The following ABCA3 variants were observed in gnomAD, a reference collection of about 807,000 sequenced individuals.
The protein encoded by ABCA3 is phospholipid-transporting ATPase ABCA3.
In ABCA3, 88 loss-of-function variants were observed where a neutral mutation model predicts 172.8. The ratio of observed to expected loss-of-function variants is 0.51; its 90% CI spans 0.43 to 0.61. ABCA3 has a LOEUF of 0.61. ABCA3 is among the 20% of genes least tolerant of loss of function. The probability of loss-of-function intolerance (pLI) is 0.00; values close to 1 mark genes in which losing one functional copy is unlikely to be tolerated. For synonymous variants in ABCA3, 1,066 were observed against 983.8 expected, an observed-to-expected ratio of 1.08 and a Z score of -1.56; for missense variants, 2,164 against 2,301.0, an observed-to-expected ratio of 0.94 and a Z score of 1.22.
Position 2,278,012 on chromosome 16 carries a change from G to C in ABCA3, c.4776C>G (p.Phe1592Leu), listed in dbSNP as rs1441872762. ...GGTGCTGGGGGCTGCCCAGGCACTT[G>C]AACTGCCCCTGCACCATGATGGCCA... ...TRLAIMVQGQ[F>L]KCLGSPQHLK... The change falls in exon 31 of 33, where the codon TTC becomes TTG. Residue 1592 changes from phenylalanine to leucine, a missense_variant. Phe to Leu is a conservative substitution (Grantham distance 22). Around this residue, in one of 3 missense-constraint regions of ABCA3, gnomAD observed 795 missense variants for 881.9 expected, o/e 0.90. Coordinates refer to ENST00000301732, the MANE Select transcript of ABCA3 (RefSeq NM_001089.3). The surrounding 1 kb of genome is among the most constrained non-coding windows in gnomAD (Gnocchi z 4.4). 1.9e-6 allele frequency: 3 copies of C among 1,613,220 alleles called. No homozygotes were observed. In the African/African-American group the frequency reaches 4.0e-5, roughly 22 times the overall value.
In ABCA3 at chr16:2,279,034, T is replaced by C; in HGVS notation, c.4456A>G (p.Ile1486Val). 1 of 1,613,482 alleles carries C rather than the reference T, an allele frequency of 6.2e-7. No individual in the cohort carries two copies. Among genetic ancestry groups the C allele is most frequent in the Admixed American group, 1.7e-5 (1 of 60,022 alleles). The change falls in exon 29 of 33, where the codon ATC becomes GTC. Residue 1486 changes from isoleucine to valine, a missense_variant. By Grantham distance (29) the Ile-to-Val change is conservative (BLOSUM62 3). Coordinates refer to ENST00000301732, the MANE Select transcript of ABCA3 (RefSeq NM_001089.3). This position sits in a 1 kb window ranked among gnomAD's most constrained non-coding sequence, Gnocchi z 4.4. ...MLVMYARLRGIPERHIGACVE... is the reference protein window; with the variant it reads ...MLVMYARLRGVPERHIGACVE... The stretch of plus-strand genomic sequence containing the variant: ...CAGGCCCCGATGTGGCGCTCAGGGA[T>C]GCCCCGGAGCCGAGCGTACATGACC...
rs1363245922 is a variant in ABCA3, at chr16:2,320,894, G to A, written c.614-1054C>T. On this transcript the variant is annotated intron_variant, in intron 7 of 32. Transcript: ENST00000301732. ...TTCTCTGTCTTGCTGAGGACTAACC[G>A]ACTATTCTTAATAACAAAACTTTTT... 2.6e-5 allele frequency among the ~76,000 whole-genome samples: 4 copies of A among 151,404 alleles called. No individual in the cohort carries two copies. The South Asian group carries it at 6.3e-4, about 24-fold the overall frequency.
Position 2,283,246 on chromosome 16 carries a change from C to G in ABCA3, c.3975G>C (p.Glu1325Asp). The change falls in exon 26 of 33, where the codon GAG becomes GAC. Residue 1325 changes from glutamate to aspartate, a missense_variant. Glu to Asp is a conservative substitution (Grantham distance 45). Transcript: ENST00000301732. The surrounding 1 kb of genome is among the most constrained non-coding windows in gnomAD (Gnocchi z 5.4). ...CAYLILLFLI[E>D]TNLLQRLRGI... is the part of the protein sequence containing the mutation. ...CCCTGAGTCTCTGAAGCAGGTTGGT[C>G]TCGATGAGGAAGAGCAGGATGAGGT... 6.2e-7 allele frequency: 1 copy of G among 1,613,446 alleles called. No individual in the cohort carries two copies. The highest frequency in any genetic ancestry group is 8.5e-7 in the Non-Finnish European group (1 of 1,179,992).
chr16:2,314,170 C>T (rs997853436), intron 10 of ABCA3, among the ~76,000 whole-genome samples: 1 of 152,160 alleles, frequency 6.6e-6, no homozygotes, highest in Admixed American at 6.5e-5. Context: ...AAAGCAGGGA[C>T]CCATGTCCAG....
Position 2,285,489 on chromosome 16 carries a change from G to A in ABCA3, c.3436C>T (p.Leu1146=), listed in dbSNP as rs768083266. The part of the protein sequence containing the change: ...VHVASFWLSA[L]LWDLISFLIP... ...AGGAAGGAGATGAGGTCCCACAGCA[G>A]AGCAGAGAGCCAGAAACTGGCCACG... The change falls in exon 23 of 33, where the codon CTG becomes TTG. Residue 1146 remains leucine (L), a synonymous_variant. Coordinates refer to ENST00000301732, the MANE Select transcript of ABCA3 (RefSeq NM_001089.3). The surrounding 1 kb of genome is among the most constrained non-coding windows in gnomAD (Gnocchi z 4.7). The A allele has an allele frequency of 1.2e-6, 2 of 1,611,954 alleles. No homozygotes were observed. The highest frequency in any genetic ancestry group is 1.3e-5 in the African/African-American group (1 of 75,042).
intron 11 of ABCA3, among the ~76,000 whole-genome samples, chr16:2,305,117 TAA>T (rs1311021181): frequency 6.6e-6 from 1 of 151,562 alleles, no homozygotes; most frequent in African/African-American, 2.4e-5. Flanking sequence ...CCGGCCAGTA[TAA>T]GTCTTTATTT....
Position 2,324,503 on chromosome 16 carries a change from A to C in ABCA3, c.348T>G (p.Phe116Leu). 5 of 1,609,630 alleles carry C rather than the reference A, an allele frequency of 3.1e-6. No homozygotes were observed. Among genetic ancestry groups the C allele is most frequent in the Non-Finnish European group, 4.2e-6 (5 of 1,179,708 alleles). ...AGTTGTCGTACCTAATGTAGTCCTC[A>C]AAGTCCTTCTCGGAGGGAAAGCCGC... ...RVRGFPSEKD[F>L]EDYIRYDNCS... Residue 116 changes from phenylalanine (F) to leucine (L), a missense_variant, in exon 6 of 33, where the codon TTT becomes TTG. Transcript: ENST00000301732.
intron 18 of ABCA3, among the ~76,000 whole-genome samples, chr16:2,292,752 T>C (rs2093673992): frequency 6.6e-6 from 1 of 152,020 alleles, no homozygotes; most frequent in African/African-American, 2.4e-5. Flanking sequence ...AAACTCTGTC[T>C]CTACTAAAAT....
intron 10 of ABCA3, 139 bp from the exon 11 acceptor site, chr16:2,308,762 C>T (rs2093701976): frequency 1.1e-6 from 1 of 929,940 alleles, no homozygotes; most frequent in Non-Finnish European, 1.7e-6. Flanking sequence ...CTACACGGGA[C>T]ACAAGCTCCA....
At chr16:2,321,598 C>G (rs1451146305) in intron 7 of ABCA3, among the ~76,000 whole-genome samples, 1 of 152,130 alleles carries the variant, frequency 6.6e-6, no homozygotes, top group Non-Finnish European at 1.5e-5. Flanking sequence ...CTTGGCCTGA[C>G]AGCTAAGCCT....
rs781661442 is a variant in ABCA3, at chr16:2,288,161, T to G, written c.2869A>C (p.Arg957=). 1 of 1,610,788 alleles carries G rather than the reference T, an allele frequency of 6.2e-7. No homozygotes were observed. The highest frequency in any genetic ancestry group is 1.3e-5 in the African/African-American group (1 of 74,974). ...CTGCCGTACTCGCCCAAGGTCAGCC[T>G]CAGCATGGGGTCGTCGAAGAGCTCC... is the stretch of plus-strand genomic sequence containing the variant. ...SSELFDDPML[R]LTLGEYGRTV... is the part of the protein sequence containing the mutation. Residue 957 remains arginine (R), a synonymous_variant, in exon 21 of 33, where the codon AGG becomes CGG. Transcript: ENST00000301732.
chr16:2,300,193 A>G (rs2093686784), intron 12 of ABCA3, 45 bp from the exon 13 acceptor site: 1 of 1,611,746 alleles, frequency 6.2e-7, no homozygotes, highest in South Asian at 1.1e-5. Flanking sequence ...GTTTGTGACG[A>G]GCAAAGCAAC....
intron 11 of ABCA3, among the ~76,000 whole-genome samples, chr16:2,304,585 C>A (rs2093694637): frequency 6.9e-6 from 1 of 145,850 alleles, no homozygotes; most frequent in African/African-American, 2.6e-5. Context: ...CGGCTCACTG[C>A]AACCTCTGCC....
chr16:2,289,399 T>A, intron 20 of ABCA3, 35 bp downstream of exon 20: 2 of 1,544,344 alleles, frequency 1.3e-6, no homozygotes, highest in Non-Finnish European at 8.7e-7. Context: ...TGCTCGCCCT[T>A]CCCCCGCCAC....
chr16:2,289,224 G>A (rs904017972), intron 20 of ABCA3: 81 of 625,310 alleles, frequency 1.3e-4, no homozygotes, highest in Non-Finnish European at 1.9e-4. Flanking sequence ...TGTGCCTGAG[G>A]TAGAGCATGA....
rs1468632903 is a variant in ABCA3, at chr16:2,277,370, G to T, written c.4983+227C>A. On this transcript the variant is annotated intron_variant, in intron 32 of 32. Coordinates refer to ENST00000301732, the MANE Select transcript of ABCA3 (RefSeq NM_001089.3). The surrounding 1 kb of genome is among the most constrained non-coding windows in gnomAD (Gnocchi z 5.3). ...TCCCAAAGTGCTGGGATTATGGTGT[G>T]AGCCACCATCCCTGACCCCTTTCCT... is the stretch of plus-strand genomic sequence containing the variant. Among the ~76,000 whole-genome samples the T allele has an allele frequency of 6.6e-6, 1 of 152,142 alleles. No homozygotes were observed. Among genetic ancestry groups the T allele is most frequent in the Non-Finnish European group, 1.5e-5 (1 of 68,022 alleles).
At chr16:2,311,133 C>A (rs1313730934) in intron 10 of ABCA3, among the ~76,000 whole-genome samples, 1 of 152,038 alleles carries the variant, frequency 6.6e-6, no homozygotes, top group African/African-American at 2.4e-5. Context: ...GCCACCACAC[C>A]CAGCTAATTT....
In ABCA3 at chr16:2,286,184, A is replaced by G. The variant is rs1007039233; in HGVS notation, c.3278+510T>C. Reference sequence around the variant, plus strand: ...GAGTGGCTATTCTGAAATTAACAGAATTTTTGGCCTCCTCTGGGTGGTTCC... The same window carrying G: ...GAGTGGCTATTCTGAAATTAACAGAGTTTTTGGCCTCCTCTGGGTGGTTCC... On this transcript the variant is annotated intron_variant, in intron 22 of 32. Coordinates refer to ENST00000301732, the MANE Select transcript of ABCA3 (RefSeq NM_001089.3). The surrounding 1 kb of genome is among the most constrained non-coding windows in gnomAD (Gnocchi z 5.2). 2.0e-5 allele frequency among the ~76,000 whole-genome samples: 3 copies of G among 152,158 alleles called. No homozygotes were observed.
At position 2,293,367 on chromosome 16, in the gene ABCA3, CTTTTTTTTTTT is replaced by C. The variant is rs71148126; in HGVS notation, c.2415-1140_2415-1130del. Among the ~76,000 whole-genome samples the C allele has an allele frequency of 2.9e-5, 3 of 103,426 alleles. No homozygotes were observed. In the Admixed American group the frequency reaches 3.6e-4, roughly 12 times the overall value. 67.9% of individuals were successfully genotyped at this position (103,426 alleles called of 152,430 possible). A position where few individuals can be genotyped will look rare whatever the true frequency, so the allele number is the denominator to read the frequency against. On this transcript the variant is annotated intron_variant, in intron 18 of 32. Transcript: ENST00000301732. ...AAGCTACCGTGCCTGGCCAAAATGC[CTTTTTTTTTTT>C]TTTTTTTTTTGGAGACAGGGTCTTG...
Sources: allele counts gnomAD v4.1 joint callset (sites outside exome capture counted in the v4.1 genomes callset), GRCh38; gene constraint gnomAD v4.1.1; regional missense constraint gnomAD v4.1.1; non-coding constraint Gnocchi (gnomAD v3.1); transcripts MANE v1.5; gene names NCBI Gene and HGNC (gene_info 2026-07-23, HGNC 2026-07-21).